The following CSMD1 variants were observed in gnomAD, a reference collection of about 807,000 sequenced individuals.
CSMD1 encodes the protein CUB and Sushi multiple domains 1.
In CSMD1, 213 loss-of-function variants were observed where a neutral mutation model predicts 417.5. The observed-to-expected ratio is 0.51, with a 90% confidence interval of 0.46 to 0.57. CSMD1 has a LOEUF of 0.57. Among genes scored for constraint, CSMD1 ranks in the 20% least tolerant of loss-of-function variants. The pLI, the probability that CSMD1 is intolerant of heterozygous loss-of-function variation, is 0.00. For synonymous variants in CSMD1, 2,862 were observed against 1,736.8 expected (o/e 1.65, Z -16.11); for missense variants, 6,923 against 4,529.7 (o/e 1.53, Z -15.17).
At chr8:4,298,951 A>G (rs1449580380) in intron 3 of CSMD1, among the ~76,000 whole-genome samples, 1 of 152,084 alleles carries the variant, frequency 6.6e-6, no homozygotes, top group African/African-American at 2.4e-5. Flanking sequence ...ATACATATAT[A>G]TGTCATATAT....
At chr8:4,443,660 G>A (rs989494158) in intron 2 of CSMD1, among the ~76,000 whole-genome samples, 1 of 152,158 alleles carries the variant, frequency 6.6e-6, no homozygotes, top group African/African-American at 2.4e-5. Flanking sequence ...TGCAGTTAAA[G>A]AAATAGCATT....
chr8:4,426,994 A>C (rs1797597017), intron 2 of CSMD1, among the ~76,000 whole-genome samples: 1 of 152,066 alleles, frequency 6.6e-6, no homozygotes, highest in African/African-American at 2.4e-5. Flanking sequence ...GGGACAATTT[A>C]GATATCAAGA....
At chr8:4,660,296 G>A (rs994447651) in intron 1 of CSMD1, among the ~76,000 whole-genome samples, 6 of 152,114 alleles carry the variant, frequency 3.9e-5, no homozygotes, top group East Asian at 1.9e-4. Flanking sequence ...AGTTAAAAAC[G>A]CAACACAATT....
chr8:4,560,912 C>T (rs1358592905), intron 2 of CSMD1, among the ~76,000 whole-genome samples: 5 of 152,176 alleles, frequency 3.3e-5, no homozygotes, highest in African/African-American at 9.7e-5. Context: ...AACAGGTTCA[C>T]TTATCAAAGA....
Position 3,729,949 on chromosome 8 carries a change from AAAAAAAAAAAAACAAAAAC to A in CSMD1, c.932-21477_932-21459del, listed in dbSNP as rs1802736230. Among the ~76,000 whole-genome samples, 9 of 15,394 alleles carry A rather than the reference AAAAAAAAAAAAACAAAAAC, an allele frequency of 5.8e-4. 1 individual carries two copies. Among genetic ancestry groups the A allele is most frequent in the Admixed American group, 4.2e-3 (3 of 714 alleles). The allele number at this position is 15,394 out of a possible 152,430, so 10.1% of individuals were successfully genotyped here. On this transcript the variant is annotated intron_variant, in intron 6 of 69. Coordinates refer to ENST00000635120, the MANE Select transcript of CSMD1 (RefSeq NM_033225.6). ...AAAAAAAAAAAAAAAAAAAAAAAAA[AAAAAAAAAAAAACAAAAAC>A]AGAAGAACGGATACATAATAATGTT... is the stretch of plus-strand genomic sequence containing the variant.
chr8:2,942,600 AG>A lies in CSMD1; in HGVS notation c.10406del (p.Pro3469LeufsTer2), dbSNP rs1486108722. 2 of 1,574,664 alleles carry A rather than the reference AG, an allele frequency of 1.3e-6. No individual in the cohort carries two copies. The highest frequency in any genetic ancestry group is 1.7e-6 in the Non-Finnish European group (2 of 1,159,046). On this transcript the variant is annotated frameshift_variant, in exon 69 of 70. Coordinates refer to ENST00000635120, the MANE Select transcript of CSMD1 (RefSeq NM_033225.6). LOFTEE classifies it high-confidence loss of function. Reference sequence around the variant, plus strand: ...TGGAAGAGTCTTGATCTGGGTTTAAAGGATCTGTAAGATAAAGGAAATATTA... The same window carrying A: ...TGGAAGAGTCTTGATCTGGGTTTAAAGATCTGTAAGATAAAGGAAATATTA... ...FGKFKLERQD[P>X]LNPDQDSSSH...
At chr8:4,909,743 GTA>G (rs1447149289) in intron 1 of CSMD1, among the ~76,000 whole-genome samples, 1 of 152,142 alleles carries the variant, frequency 6.6e-6, no homozygotes, top group Non-Finnish European at 1.5e-5. Flanking sequence ...GATCTCACCT[GTA>G]TATAGCTCCT....
rs149213517 is a variant in CSMD1 at position 3,518,934 on chromosome 8, C to T, written c.1345-25208G>A. On this transcript the variant is annotated intron_variant, in intron 10 of 69. Coordinates refer to ENST00000635120, the MANE Select transcript of CSMD1 (RefSeq NM_033225.6). ...GAGCTGTTGAATCTCCTCATATTGT[C>T]CCTTTTATTTGGTTTCAACACAACA... is the stretch of plus-strand genomic sequence containing the variant. Among the ~76,000 whole-genome samples, 582 of 152,268 alleles carry T rather than the reference C, an allele frequency of 3.8e-3. 2 individuals carry two copies. The highest frequency in any genetic ancestry group is 6.4e-3 in the Non-Finnish European group (436 of 68,002).
chr8:3,512,221 T>C (rs770594503), intron 10 of CSMD1, among the ~76,000 whole-genome samples: 2 of 152,216 alleles, frequency 1.3e-5, no homozygotes, highest in Non-Finnish European at 2.9e-5. Context: ...CCACCGCTCC[T>C]CGCGGGTCCA....
intron 2 of CSMD1, among the ~76,000 whole-genome samples, chr8:4,555,371 G>A (rs914787670): frequency 3.3e-5 from 5 of 152,120 alleles, no homozygotes; most frequent in African/African-American, 1.2e-4. Flanking sequence ...GGAGGGACGG[G>A]GAATGTCGTG....
At position 3,658,030 on chromosome 8, in the gene CSMD1, G is replaced by A. The variant is rs149213532; in HGVS notation, c.1010-41233C>T. ...TTGGAGAAGGAAAACTGGATTTCTC[G>A]TCTTGAAATACTCAGAGCATAACAG... On this transcript the variant is annotated intron_variant, in intron 7 of 69. Coordinates refer to ENST00000635120, the MANE Select transcript of CSMD1 (RefSeq NM_033225.6). Among the ~76,000 whole-genome samples, 273 of 152,182 alleles carry A rather than the reference G, an allele frequency of 1.8e-3. 2 individuals are homozygous for A. Among genetic ancestry groups the A allele is most frequent in the African/African-American group, 3.9e-3 (160 of 41,532 alleles).
intron 1 of CSMD1, among the ~76,000 whole-genome samples, chr8:4,978,994 A>C (rs1213680990): frequency 6.6e-6 from 1 of 152,154 alleles, no homozygotes; most frequent in East Asian, 1.9e-4. Flanking sequence ...GTAGTAGCAA[A>C]CCTTAAAAAT....
At chr8:3,832,648 C>A (rs892486569) in intron 5 of CSMD1, among the ~76,000 whole-genome samples, 2 of 152,100 alleles carry the variant, frequency 1.3e-5, no homozygotes, top group Admixed American at 6.6e-5. Context: ...CAAGTACTTA[C>A]AACGAAACTG....
At chr8:4,025,820 T>C (rs893150847) in intron 4 of CSMD1, among the ~76,000 whole-genome samples, 1 of 152,188 alleles carries the variant, frequency 6.6e-6, no homozygotes, top group Non-Finnish European at 1.5e-5. Context: ...TTTAGTTCTG[T>C]TAATTATTTT....
At chr8:4,336,674 T>C (rs1372847412) in intron 3 of CSMD1, among the ~76,000 whole-genome samples, 6 of 152,132 alleles carry the variant, frequency 3.9e-5, no homozygotes, top group Non-Finnish European at 7.4e-5. Context: ...ATCTGTGACA[T>C]AGTCCTTCGA....
At chr8:3,485,094 C>G (rs1208165864) in intron 11 of CSMD1, among the ~76,000 whole-genome samples, 1 of 152,172 alleles carries the variant, frequency 6.6e-6, no homozygotes, top group Non-Finnish European at 1.5e-5. Flanking sequence ...CTCATGTTTA[C>G]ATAACAACCT....
At chr8:4,317,482 C>T (rs753135754) in intron 3 of CSMD1, among the ~76,000 whole-genome samples, 1 of 152,142 alleles carries the variant, frequency 6.6e-6, no homozygotes, top group Non-Finnish European at 1.5e-5. Context: ...AAGGCATGTA[C>T]ATGCACAATC....
At chr8:4,570,809 T>A (rs61691224) in intron 2 of CSMD1, among the ~76,000 whole-genome samples, 1,989 of 152,284 alleles carry the variant, frequency 0.013, 47 homozygotes, top group African/African-American at 0.046. Context: ...AATCACTGTG[T>A]CAATTTTGGA....
At chr8:4,810,722 A>C (rs1798848600) in intron 1 of CSMD1, among the ~76,000 whole-genome samples, 1 of 152,222 alleles carries the variant, frequency 6.6e-6, no homozygotes, top group Non-Finnish European at 1.5e-5. Flanking sequence ...AAATTTTCAT[A>C]ATTCATATGT....
Sources: allele counts gnomAD v4.1 joint callset (sites outside exome capture counted in the v4.1 genomes callset), GRCh38; gene constraint gnomAD v4.1.1; transcripts MANE v1.5; gene names NCBI Gene and HGNC (gene_info 2026-07-23, HGNC 2026-07-21).